Variants in ALDH1A1 observed in about 807,000 individuals in gnomAD.
ALDH1A1 encodes the protein aldehyde dehydrogenase 1 family member A1, also known as aldehyde dehydrogenase 1A1.
In ALDH1A1, 19 loss-of-function variants were observed where a neutral mutation model predicts 62.1. The observed-to-expected ratio is 0.31, with a 90% CI of 0.21 to 0.45. The LOEUF (loss-of-function observed/expected upper bound fraction) is 0.45. Among genes scored for constraint, ALDH1A1 ranks in the 20% least tolerant of loss-of-function variants. The pLI is 1.00. For synonymous variants in ALDH1A1, 231 were observed against 215.9 expected, an observed-to-expected ratio of 1.07 and a Z score of -0.61; for missense variants, 521 against 607.1, an observed-to-expected ratio of 0.86 and a Z score of 1.49.
chr9:72,927,063 A>T, intron 5 of ALDH1A1, 53 bp downstream of exon 5: 1 of 1,278,182 alleles, frequency 7.8e-7, no homozygotes, highest in Non-Finnish European at 1.1e-6. Context: ...ATCATTAGAT[A>T]GAATAAGAAC....
intron 2 of ALDH1A1, among the ~76,000 whole-genome samples, chr9:72,935,679 C>T (rs544622041): frequency 1.3e-5 from 2 of 152,138 alleles, no homozygotes; most frequent in Non-Finnish European, 2.9e-5. Flanking sequence ...CAGTTCCCAC[C>T]CACATCTGTA....
intron 12 of ALDH1A1, among the ~76,000 whole-genome samples, chr9:72,904,648 C>A (rs983282321): frequency 2.6e-5 from 4 of 152,100 alleles, no homozygotes; most frequent in African/African-American, 9.7e-5. Context: ...GATCTATTTT[C>A]TTCTTCCACT....
Position 72,910,933 on chromosome 9 carries a change from A to T in ALDH1A1, c.1200+1025T>A, listed in dbSNP as rs1221101881. Among the ~76,000 whole-genome samples, 10 of 152,314 alleles carry T rather than the reference A, an allele frequency of 6.6e-5. No homozygotes were observed. In the East Asian group the frequency reaches 1.9e-3, roughly 29 times the overall value. ...ACACAGCACATAGCTCCAGGCTCCTACTTTGAAGTAGCAAGCTAGCTGTTC... is the reference window on the plus strand; with the variant it reads ...ACACAGCACATAGCTCCAGGCTCCTTCTTTGAAGTAGCAAGCTAGCTGTTC... On this transcript the variant is annotated intron_variant, in intron 10 of 12. Coordinates refer to ENST00000297785, the MANE Select transcript of ALDH1A1 (RefSeq NM_000689.5).
intron 7 of ALDH1A1, chr9:72,923,779 A>AGAAAGTAAT: frequency 3.5e-6 from 1 of 289,172 alleles, no homozygotes. Context: ...TTCTCGTCAG[A>AGAAAGTAAT]GAAAGTAATG....
intron 11 of ALDH1A1, among the ~76,000 whole-genome samples, 159 bp downstream of exon 11, chr9:72,909,443 C>T (rs144574106): frequency 3.7e-4 from 57 of 152,324 alleles, no homozygotes; most frequent in Middle Eastern, 3.4e-3. Flanking sequence ...CAGGCATGAG[C>T]CACCGCACCC....
At chr9:72,916,483 A>C (rs765731002) in intron 9 of ALDH1A1, among the ~76,000 whole-genome samples, 5 of 152,176 alleles carry the variant, frequency 3.3e-5, no homozygotes, top group Non-Finnish European at 5.9e-5. Context: ...AGGGGGTCAG[A>C]GTAACCGATG....
chr9:72,918,963 C>A, intron 7 of ALDH1A1, 141 bp from the exon 8 acceptor site: 1 of 589,760 alleles, frequency 1.7e-6, no homozygotes, highest in Non-Finnish European at 2.9e-6. Flanking sequence ...TTTTTTGAGA[C>A]GAAGTCTCAC....
chr9:72,926,142 A>T (rs2118533884), intron 5 of ALDH1A1, among the ~76,000 whole-genome samples: 1 of 152,302 alleles, frequency 6.6e-6, no homozygotes, highest in South Asian at 2.1e-4. Context: ...TGCTCTCTGT[A>T]TCTGATTTCA....
chr9:72,915,304 T>C (rs1036444117), intron 9 of ALDH1A1, among the ~76,000 whole-genome samples: 19 of 152,318 alleles, frequency 1.2e-4, no homozygotes, highest in African/African-American at 4.6e-4. Flanking sequence ...ATTGTGAAGA[T>C]GTCCTAATGG....
At chr9:72,940,367 C>A in intron 1 of ALDH1A1, 115 bp from the exon 2 acceptor site, 1 of 728,274 alleles carries the variant, frequency 1.4e-6, no homozygotes, top group African/African-American at 1.8e-5. Context: ...CACATCTCTT[C>A]ACCTCTCAAA....
intron 9 of ALDH1A1, among the ~76,000 whole-genome samples, chr9:72,913,444 C>T (rs549981883): frequency 1.4e-4 from 22 of 152,276 alleles, no homozygotes; most frequent in African/African-American, 5.3e-4. Context: ...GAGATAAATT[C>T]TGCCTGGGTA....
chr9:72,901,301 C>G, intron 12 of ALDH1A1, 21 bp from the exon 13 acceptor site: 3 of 1,527,666 alleles, frequency 2.0e-6, no homozygotes, highest in Non-Finnish European at 2.7e-6. Flanking sequence ...GAAAAACATA[C>G]CCACAAACAC....
At chr9:72,946,543 C>A (rs879334371) in intron 1 of ALDH1A1, among the ~76,000 whole-genome samples, 3 of 151,920 alleles carry the variant, frequency 2.0e-5, no homozygotes, top group Non-Finnish European at 2.9e-5. Context: ...TCTATACACC[C>A]AAAACATGTC....
At chr9:72,906,624 C>A (rs1661912823) in intron 11 of ALDH1A1, among the ~76,000 whole-genome samples, 1 of 152,004 alleles carries the variant, frequency 6.6e-6, no homozygotes, top group South Asian at 2.1e-4. Flanking sequence ...AACATAATTA[C>A]ATGAATAGTA....
chr9:72,926,175 G>A (rs1052261763), intron 5 of ALDH1A1, among the ~76,000 whole-genome samples: 11 of 152,152 alleles, frequency 7.2e-5, no homozygotes, highest in Non-Finnish European at 1.6e-4. Flanking sequence ...GCTGATAATA[G>A]TCCTCTCTGC....
chr9:72,938,311 G>A lies in ALDH1A1; in HGVS notation c.171+1837C>T, dbSNP rs910979457. Among the ~76,000 whole-genome samples the A allele has an allele frequency of 4.0e-5, 6 of 151,522 alleles. 1 individual carries two copies. In the East Asian group the frequency reaches 5.8e-4, roughly 15 times the overall value. On this transcript the variant is annotated intron_variant, in intron 2 of 12. Transcript: ENST00000297785. ...GAAATTTAAAACTTGGCAACCCCTG[G>A]GCAACTAAAGAGCAGAAAAATCATT...
At chr9:72,912,908 A>C (rs1426004358) in intron 9 of ALDH1A1, among the ~76,000 whole-genome samples, 1 of 152,178 alleles carries the variant, frequency 6.6e-6, no homozygotes, top group Non-Finnish European at 1.5e-5. Context: ...TCTGGGGCTA[A>C]TTTTTGTCTC....
intron 7 of ALDH1A1, among the ~76,000 whole-genome samples, chr9:72,920,772 A>C (rs569971867): frequency 6.6e-6 from 1 of 152,366 alleles, no homozygotes; most frequent in Non-Finnish European, 1.5e-5. Context: ...GGAGAAAAGT[A>C]AACGTTTATC....
rs1830342003 is a variant in ALDH1A1 at position 72,935,952 on chromosome 9, TA to T, written c.171+4195del. 2.6e-5 allele frequency among the ~76,000 whole-genome samples: 4 copies of T among 152,180 alleles called. No individual in the cohort carries two copies. In the South Asian group the frequency reaches 8.3e-4, roughly 31 times the overall value. On this transcript the variant is annotated intron_variant, in intron 2 of 12. Transcript: ENST00000297785. ...AATTGTGGGAAGAGCAATAATTATTTAAAAATATGTTTTAAAATAATTCAAA... is the reference window on the plus strand; with the variant it reads ...AATTGTGGGAAGAGCAATAATTATTTAAAATATGTTTTAAAATAATTCAAA...
Sources: gnomAD v4.1 joint callset for allele counts (sites outside exome capture counted in the v4.1 genomes callset) on GRCh38, gnomAD v4.1.1 for gene constraint, MANE v1.5 for transcripts, NCBI Gene and HGNC (gene_info 2026-07-23, HGNC 2026-07-21) for gene names.